SEMA3A: variants seen among roughly 807,000 people sequenced by gnomAD.
SEMA3A encodes the protein semaphorin 3A, also known as semaphorin-3A.
In SEMA3A, 29 loss-of-function variants were observed where a neutral mutation model predicts 97.9. The observed-to-expected ratio is 0.30, with a 90% CI of 0.22 to 0.40. The LOEUF is 0.40. Among genes scored for constraint, SEMA3A ranks in the 10% least tolerant of loss-of-function variants. The pLI is 1.00. For missense variants in SEMA3A, 763 were observed against 951.3 expected (o/e 0.80, Z 2.60); for synonymous variants, 321 against 323.7 (o/e 0.99, Z 0.09).
At chr7:84,116,236 T>C (rs1478520280) in intron 3 of SEMA3A, among the ~76,000 whole-genome samples, 3 of 152,146 alleles carry the variant, frequency 2.0e-5, no homozygotes, top group African/African-American at 7.2e-5. Context: ...CTTATAATAA[T>C]TGAAGACCCT....
rs1788411343 is a variant in SEMA3A, at chr7:83,960,143, C to T, written c.*1228G>A. 6.6e-6 allele frequency: 1 copy of T among 152,002 alleles called. No individual in the cohort carries two copies. The highest frequency in any genetic ancestry group is 1.5e-5 in the Non-Finnish European group (1 of 67,926). 9.4% of individuals were successfully genotyped at this position (152,002 alleles called of 1,614,324 possible). A position where few individuals can be genotyped will look rare whatever the true frequency, so the allele number is the denominator to read the frequency against. ...TTGCTCTGAATAGTTATTGATCTCT[C>T]TCTTTTAAAAAAATTAAGTGACACA... On this transcript the variant is annotated 3_prime_UTR_variant, in exon 17 of 17. Coordinates refer to ENST00000265362, the MANE Select transcript of SEMA3A (RefSeq NM_006080.3).
Position 84,046,331 on chromosome 7 carries a change from C to A in SEMA3A, c.660G>T (p.Trp220Cys), listed in dbSNP as rs1482339792. The A allele has an allele frequency of 6.2e-7, 1 of 1,612,878 alleles. No individual in the cohort carries two copies. The highest frequency in any genetic ancestry group is 1.7e-5 in the Admixed American group (1 of 59,890). The change falls in exon 6 of 17, where the codon TGG becomes TGT. Residue 220 changes from tryptophan (W) to cysteine (C), a missense_variant. Trp to Cys is a radical substitution (Grantham distance 215). This residue lies in a region of SEMA3A where 678 missense variants were observed against 881.3 expected (regional missense o/e 0.77). Transcript: ENST00000265362. ...PIRTEQHDSR[W>C]LNDPKFISAH... ...CTTTCATAAACCACCTACCATTGAG[C>A]CACCTGGAATCATGCTGCTCTGTCC...
At chr7:84,098,843 T>C (rs891391841) in intron 4 of SEMA3A, among the ~76,000 whole-genome samples, 2 of 152,100 alleles carry the variant, frequency 1.3e-5, no homozygotes, top group African/African-American at 4.8e-5. Flanking sequence ...ATGTAACATG[T>C]TGAACTTCCC....
intron 3 of SEMA3A, among the ~76,000 whole-genome samples, chr7:84,260,597 G>A (rs1340312409): frequency 6.6e-6 from 1 of 152,168 alleles, no homozygotes; most frequent in East Asian, 1.9e-4. Context: ...GACCAGAGTT[G>A]TAGCCAACCC....
chr7:84,426,604 C>T (rs760975819), intron 1 of SEMA3A, among the ~76,000 whole-genome samples: 1 of 152,168 alleles, frequency 6.6e-6, no homozygotes, highest in East Asian at 1.9e-4. Flanking sequence ...TTTCTCTACT[C>T]CTACCATTAA....
At chr7:84,337,072 T>A (rs1479723369) in intron 2 of SEMA3A, among the ~76,000 whole-genome samples, 1 of 152,108 alleles carries the variant, frequency 6.6e-6, no homozygotes, top group Non-Finnish European at 1.5e-5. Flanking sequence ...GACAAGTAAC[T>A]TAAACTCCTT....
intron 3 of SEMA3A, among the ~76,000 whole-genome samples, chr7:84,237,217 A>T (rs1271039438): frequency 6.6e-6 from 1 of 152,164 alleles, no homozygotes; most frequent in Non-Finnish European, 1.5e-5. Context: ...GGAAAAGACA[A>T]ACATATGTAG....
intron 14 of SEMA3A, among the ~76,000 whole-genome samples, chr7:83,979,906 C>T (rs1000322460): frequency 6.6e-6 from 1 of 152,036 alleles, no homozygotes; most frequent in African/African-American, 2.4e-5. Flanking sequence ...CAAACTGATA[C>T]AAATGTTGTA....
intron 1 of SEMA3A, among the ~76,000 whole-genome samples, chr7:84,440,512 G>A (rs978871272): frequency 6.6e-6 from 1 of 152,144 alleles, no homozygotes; most frequent in Non-Finnish European, 1.5e-5. Context: ...GGGACTTAAA[G>A]GGCCAATGAA....
intron 3 of SEMA3A, among the ~76,000 whole-genome samples, chr7:84,202,286 G>A (rs190481833): frequency 6.6e-6 from 1 of 152,234 alleles, no homozygotes; most frequent in East Asian, 1.9e-4. Flanking sequence ...GCTAGATTAA[G>A]TCATTCCACA....
intron 7 of SEMA3A, among the ~76,000 whole-genome samples, chr7:84,012,051 G>A (rs1164823908): frequency 1.3e-5 from 2 of 152,118 alleles, no homozygotes; most frequent in African/African-American, 2.4e-5. Flanking sequence ...CACAGATGCA[G>A]AGAGTAGAAT....
chr7:84,485,748 T>C (rs1806559196), intron 1 of SEMA3A, among the ~76,000 whole-genome samples: 1 of 152,140 alleles, frequency 6.6e-6, no homozygotes, highest in African/African-American at 2.4e-5. Context: ...CAATATTAGC[T>C]GTGATTGAAT....
At chr7:84,038,365 T>C (rs1014362799) in intron 6 of SEMA3A, among the ~76,000 whole-genome samples, 1 of 152,180 alleles carries the variant, frequency 6.6e-6, no homozygotes, top group African/African-American at 2.4e-5. Flanking sequence ...TTTTAATTGT[T>C]CCATTCATTA....
chr7:84,155,999 G>A (rs1302983809), intron 1 of SEMA3A, among the ~76,000 whole-genome samples: 1 of 152,058 alleles, frequency 6.6e-6, no homozygotes, highest in African/African-American at 2.4e-5. Flanking sequence ...ACTTTATAAA[G>A]TATGATGTAA....
At chr7:84,016,134 T>TAATTAATGTGACATGTTAGG (rs1245629472) in intron 6 of SEMA3A, among the ~76,000 whole-genome samples, 1 of 152,112 alleles carries the variant, frequency 6.6e-6, no homozygotes, top group African/African-American at 2.4e-5. Context: ...GTGAGCAGAA[T>TAATTAATGTGACATGTTAGG]AATTAATGTG....
At chr7:84,140,428 T>C (rs1439887784) in intron 1 of SEMA3A, among the ~76,000 whole-genome samples, 1 of 152,156 alleles carries the variant, frequency 6.6e-6, no homozygotes, top group Non-Finnish European at 1.5e-5. Flanking sequence ...TATTTCTGAC[T>C]TCTGTTATAT....
At chr7:83,967,709 C>G (rs570141351) in intron 15 of SEMA3A, among the ~76,000 whole-genome samples, 56 of 152,184 alleles carry the variant, frequency 3.7e-4, no homozygotes, top group African/African-American at 1.2e-3. Context: ...GAGCCAAGAT[C>G]GACCCATTGC....
chr7:84,386,768 G>A (rs1220593951), intron 1 of SEMA3A, among the ~76,000 whole-genome samples: 1 of 152,130 alleles, frequency 6.6e-6, no homozygotes, highest in East Asian at 1.9e-4. Flanking sequence ...GGGAGGCTGA[G>A]GTGAGTGGAT....
At chr7:84,250,035 T>C (rs957079039) in intron 3 of SEMA3A, among the ~76,000 whole-genome samples, 2 of 151,882 alleles carry the variant, frequency 1.3e-5, no homozygotes, top group Non-Finnish European at 2.9e-5. Context: ...CTTTCCTCTC[T>C]AATCCAAAAT....
Sources: gnomAD v4.1 joint callset for allele counts (sites outside exome capture counted in the v4.1 genomes callset) on GRCh38, gnomAD v4.1.1 for gene constraint, gnomAD v4.1.1 regional missense constraint, MANE v1.5 for transcripts, NCBI Gene and HGNC (gene_info 2026-07-23, HGNC 2026-07-21) for gene names.